Variants in SHROOM2 observed in about 807,000 individuals in gnomAD.
The protein encoded by SHROOM2 is shroom family member 2.
Under a neutral mutation model 75.9 loss-of-function variants are expected in SHROOM2, and 33 were observed. The ratio of observed to expected loss-of-function variants is 0.43; its 90% CI spans 0.33 to 0.58. The LOEUF is 0.58. Ranked by LOEUF, SHROOM2 falls within the 20% of genes least tolerant of loss-of-function variation. The pLI, the probability that SHROOM2 is intolerant of heterozygous loss-of-function variation, is 0.04. For missense variants in SHROOM2, 1,434 were observed against 1,461.2 expected (o/e 0.98, Z 0.30); for synonymous variants, 655 against 663.6 (o/e 0.99, Z 0.20).
chrX:9,834,193 C>T (rs897385224), intron 1 of SHROOM2, among the ~76,000 whole-genome samples: 96 of 112,069 alleles, frequency 8.6e-4, no homozygotes, highest in African/African-American at 3.0e-3. Context: ...GGTGCTGAGC[C>T]AAGAGCTGCA....
intron 5 of SHROOM2, among the ~76,000 whole-genome samples, chrX:9,917,303 T>A (rs1190250612): frequency 8.9e-6 from 1 of 111,949 alleles, no homozygotes; most frequent in Non-Finnish European, 1.9e-5. Context: ...GCTTTTTGTT[T>A]ACATTTGCTC....
chrX:9,906,841 T>A (rs2084394226), intron 5 of SHROOM2, among the ~76,000 whole-genome samples: 1 of 112,690 alleles, frequency 8.9e-6, no homozygotes, highest in African/African-American at 3.2e-5. Flanking sequence ...TAAGCAGCTG[T>A]AGTTCAGAGA....
rs923261669 is a variant in SHROOM2, at chrX:9,864,782, G to A, written c.166-8870G>A. Among the ~76,000 whole-genome samples the A allele has an allele frequency of 1.2e-4, 13 of 107,428 alleles. 1 individual carries two copies. Among genetic ancestry groups the A allele is most frequent in the Admixed American group, 6.9e-4 (7 of 10,132 alleles). The allele number at this position is 107,428 out of a possible 115,157, so 93.3% of individuals were successfully genotyped here. On this transcript the variant is annotated intron_variant, in intron 1 of 9. Transcript: ENST00000380913. ...GGAGCTTGCAGTGAGCCGAGATCCC[G>A]CCACTGCACTCCAGCCTGGGCGACA... is the stretch of plus-strand genomic sequence containing the variant.
At position 9,932,472 on chromosome X, in the gene SHROOM2, G is replaced by A. The variant is rs764300856; in HGVS notation, c.3189G>A (p.Gln1063=). 12 of 1,206,411 alleles carry A rather than the reference G, an allele frequency of 9.9e-6. No homozygotes were observed. The highest frequency in any genetic ancestry group is 6.6e-5 in the Admixed American group (3 of 45,565). ...SALLSKRPAP[Q]RPPPPKREPR... ...TGCTCTCCAAGAGGCCAGCCCCACA[G>A]AGGCCACCGCCACCCAAGCGCGAGC... Residue 1063 remains glutamine, a synonymous_variant, in exon 6 of 10, where the codon CAG becomes CAA. Transcript: ENST00000380913.
rs997546189 is a variant in SHROOM2 at position 9,794,102 on chromosome X, A to G, written c.165+7392A>G. Among the ~76,000 whole-genome samples, 5 of 111,650 alleles carry G rather than the reference A, an allele frequency of 4.5e-5. No individual in the cohort carries two copies. In the South Asian group the frequency reaches 1.5e-3, roughly 34 times the overall value. ...ATATTCAGTGTTTATTTTGGTTGCT[A>G]TTGCTATCACTGCTGAGTCTGGGGG... is the stretch of plus-strand genomic sequence containing the variant. On this transcript the variant is annotated intron_variant, in intron 1 of 9. Coordinates refer to ENST00000380913, the MANE Select transcript of SHROOM2 (RefSeq NM_001649.4).
At chrX:9,819,182 A>G (rs769059363) in intron 1 of SHROOM2, 81 of 1,117,308 alleles carry the variant, frequency 7.2e-5, no homozygotes, top group Non-Finnish European at 9.4e-5. Flanking sequence ...TGACATGCAT[A>G]TCTGTTTCAG....
intron 1 of SHROOM2, among the ~76,000 whole-genome samples, chrX:9,787,797 T>C (rs2083623363): frequency 8.9e-6 from 1 of 111,958 alleles, no homozygotes; most frequent in South Asian, 3.7e-4. Context: ...AAGCCTTGTT[T>C]AGCTTTGCAC....
At chrX:9,940,420 C>T (rs754418356) in intron 8 of SHROOM2, among the ~76,000 whole-genome samples, 14 of 111,879 alleles carry the variant, frequency 1.3e-4, no homozygotes, top group Non-Finnish European at 2.6e-4. Context: ...GGCACTCTGT[C>T]CACCTGCTTT....
chrX:9,794,636 TG>T (rs1236364307), intron 1 of SHROOM2, among the ~76,000 whole-genome samples: 2 of 111,848 alleles, frequency 1.8e-5, no homozygotes, highest in African/African-American at 6.5e-5. Flanking sequence ...CCCAAAGTGC[TG>T]GGGATTACAG....
chrX:9,792,774 G>A (rs776489660), intron 1 of SHROOM2, among the ~76,000 whole-genome samples: 47 of 109,602 alleles, frequency 4.3e-4, no homozygotes, highest in Non-Finnish European at 7.4e-4. Flanking sequence ...ACACTGGAGT[G>A]CAGTGGCATG....
At chrX:9,906,571 G>A (rs906540845) in intron 5 of SHROOM2, among the ~76,000 whole-genome samples, 1 of 112,667 alleles carries the variant, frequency 8.9e-6, no homozygotes, top group African/African-American at 3.2e-5. Context: ...AAGGCGGGTG[G>A]ATCACCTGAG....
intron 1 of SHROOM2, among the ~76,000 whole-genome samples, chrX:9,794,064 C>T (rs944262236): frequency 1.8e-5 from 2 of 112,086 alleles, no homozygotes; most frequent in African/African-American, 6.5e-5. Flanking sequence ...CTCTGAGGAG[C>T]ATGGGGTTAC....
At chrX:9,877,190 G>A (rs764331365) in intron 2 of SHROOM2, among the ~76,000 whole-genome samples, 2 of 112,065 alleles carry the variant, frequency 1.8e-5, no homozygotes, top group East Asian at 5.6e-4. Context: ...AGCTGGTGCT[G>A]GGAAAGCGAT....
At chrX:9,808,534 G>A (rs183959459) in intron 1 of SHROOM2, among the ~76,000 whole-genome samples, 1 of 110,463 alleles carries the variant, frequency 9.1e-6, no homozygotes, top group South Asian at 3.9e-4. Context: ...AGGTGACAGA[G>A]TGAGACCCTG....
At chrX:9,862,788 A>G (rs1324215349) in intron 1 of SHROOM2, among the ~76,000 whole-genome samples, 2 of 112,679 alleles carry the variant, frequency 1.8e-5, no homozygotes, top group Non-Finnish European at 3.8e-5. Context: ...TGGGCAGTGA[A>G]GGTGCATTTG....
intron 1 of SHROOM2, among the ~76,000 whole-genome samples, chrX:9,846,996 T>A (rs2084010068): frequency 8.9e-6 from 1 of 112,381 alleles, no homozygotes; most frequent in African/African-American, 3.2e-5. Flanking sequence ...AGCCCACCTT[T>A]TGAAAGGACA....
rs186936958 is a variant in SHROOM2, at chrX:9,828,210, C to A, written c.165+41500C>A. 2.4e-3 allele frequency among the ~76,000 whole-genome samples: 268 copies of A among 112,465 alleles called. 2 individuals are homozygous for A. Among genetic ancestry groups the A allele is most frequent in the Middle Eastern group, 9.2e-3 (2 of 218 alleles). ...AACCATCAGATCTTGTGAGAACTCA[C>A]TATCACAAGAACTGCATGGCGGGGG... On this transcript the variant is annotated intron_variant, in intron 1 of 9. Transcript: ENST00000380913.
At chrX:9,792,454 GT>G (rs34640554) in intron 1 of SHROOM2, among the ~76,000 whole-genome samples, 16 of 98,237 alleles carry the variant, frequency 1.6e-4, no homozygotes, top group Admixed American at 4.5e-4. Flanking sequence ...GTTTTTTTGT[GT>G]TGTTTTTTTT....
chrX:9,860,751 G>A (rs189304748), intron 1 of SHROOM2, among the ~76,000 whole-genome samples: 1 of 111,804 alleles, frequency 8.9e-6, no homozygotes, highest in East Asian at 2.8e-4. Flanking sequence ...TATTCACCCC[G>A]TATTCAGGAG....
Sources: gnomAD v4.1 joint callset for allele counts (sites outside exome capture counted in the v4.1 genomes callset) on GRCh38, gnomAD v4.1.1 for gene constraint, MANE v1.5 for transcripts, NCBI Gene and HGNC (gene_info 2026-07-23, HGNC 2026-07-21) for gene names.